Variants in SLC27A2 observed in about 807,000 individuals in gnomAD.
The protein encoded by SLC27A2 is solute carrier family 27 member 2.
Under a neutral mutation model 60.0 loss-of-function variants are expected in SLC27A2, and 54 were observed. The ratio of observed to expected loss-of-function variants is 0.90; its 90% CI spans 0.72 to 1.13. The LOEUF is 1.13. Among genes scored for constraint, SLC27A2 ranks in the 50% most tolerant of loss-of-function variants. The pLI, the probability that SLC27A2 is intolerant of heterozygous loss-of-function variation, is 0.00. For missense variants in SLC27A2, 739 were observed against 777.6 expected (o/e 0.95, Z 0.59); for synonymous variants, 297 against 297.6 (o/e 1.00, Z 0.02).
intron 8 of SLC27A2, among the ~76,000 whole-genome samples, chr15:50,233,045 A>T (rs2045326619): frequency 2.0e-5 from 3 of 152,136 alleles, no homozygotes; most frequent in Non-Finnish European, 2.9e-5. Context: ...TCCTCACAAG[A>T]AGGCAGTGGT....
chr15:50,212,149 A>G (rs1158538581), intron 4 of SLC27A2, among the ~76,000 whole-genome samples: 1 of 151,956 alleles, frequency 6.6e-6, no homozygotes, highest in Non-Finnish European at 1.5e-5. Context: ...TAGAAATGCT[A>G]AATGCTCTGG....
chr15:50,185,928 C>T (rs1172761390), intron 1 of SLC27A2, among the ~76,000 whole-genome samples: 1 of 151,850 alleles, frequency 6.6e-6, no homozygotes, highest in Admixed American at 6.6e-5. Context: ...CACGCCTGGC[C>T]GGAAGCTTAC....
chr15:50,212,930 T>A (rs1196312461), intron 4 of SLC27A2, among the ~76,000 whole-genome samples: 1 of 152,118 alleles, frequency 6.6e-6, no homozygotes, highest in African/African-American at 2.4e-5. Flanking sequence ...ACAAAGAGCA[T>A]GATGAAAGCA....
At chr15:50,201,173 G>C (rs2045060789) in intron 2 of SLC27A2, among the ~76,000 whole-genome samples, 1 of 152,100 alleles carries the variant, frequency 6.6e-6, no homozygotes, top group East Asian at 1.9e-4. Context: ...TTGTAGAGGA[G>C]GGGTCTCACT....
intron 8 of SLC27A2, among the ~76,000 whole-genome samples, chr15:50,230,236 CAAAA>C (rs921052664): frequency 2.1e-5 from 1 of 48,690 alleles, no homozygotes; most frequent in African/African-American, 8.9e-5. Flanking sequence ...TCTGTCTCAC[CAAAA>C]AAAAAAAAAA....
At chr15:50,189,405 G>A (rs1308242903) in intron 1 of SLC27A2, among the ~76,000 whole-genome samples, 1 of 152,244 alleles carries the variant, frequency 6.6e-6, no homozygotes, top group Admixed American at 6.5e-5. Flanking sequence ...GTAGGGTGGT[G>A]GAGGACCCTG....
At chr15:50,182,974 T>A in intron 1 of SLC27A2, 69 bp downstream of exon 1, 5 of 1,484,128 alleles carry the variant, frequency 3.4e-6, no homozygotes, top group African/African-American at 1.4e-5. Flanking sequence ...AGCCACAGCG[T>A]GGCATAAGGG....
intron 2 of SLC27A2, among the ~76,000 whole-genome samples, chr15:50,200,586 C>T (rs569125698): frequency 3.5e-4 from 53 of 152,214 alleles, no homozygotes; most frequent in African/African-American, 1.2e-3. Context: ...AAGGTACCAC[C>T]AAGTATTGAA....
At chr15:50,203,079 C>G (rs1444748909) in intron 3 of SLC27A2, among the ~76,000 whole-genome samples, 5 of 150,942 alleles carry the variant, frequency 3.3e-5, no homozygotes, top group Admixed American at 1.3e-4. Context: ...TCCCAGCTAC[C>G]CAGGAGGCTG....
At chr15:50,232,796 A>C (rs1309242060) in intron 8 of SLC27A2, among the ~76,000 whole-genome samples, 1 of 152,250 alleles carries the variant, frequency 6.6e-6, no homozygotes, top group Non-Finnish European at 1.5e-5. Context: ...TCTCTCCCTC[A>C]GACAAGAAGC....
intron 3 of SLC27A2, 129 bp downstream of exon 3, chr15:50,202,774 CA>C: frequency 1.2e-6 from 1 of 818,984 alleles, no homozygotes; most frequent in Non-Finnish European, 2.0e-6. Context: ...AACAATAAGG[CA>C]ATTTGAATCA....
intron 4 of SLC27A2, among the ~76,000 whole-genome samples, chr15:50,217,855 A>T (rs1484016696): frequency 6.6e-6 from 1 of 152,052 alleles, no homozygotes. Flanking sequence ...GGAGTTCAAG[A>T]CCAGCCTGGC....
intron 4 of SLC27A2, among the ~76,000 whole-genome samples, chr15:50,218,103 T>A (rs2045215443): frequency 6.7e-6 from 1 of 150,332 alleles, no homozygotes; most frequent in African/African-American, 2.4e-5. Flanking sequence ...GAAATGTTTT[T>A]AATGTATCAT....
chr15:50,196,078 ATATATATATATATATATATATAT>A (rs1267676175), intron 1 of SLC27A2, among the ~76,000 whole-genome samples: 245 of 7,798 alleles, frequency 0.031, 50 homozygotes, highest in Admixed American at 0.04. Context: ...AAAAAAAAAA[ATATATATATATATATATATATAT>A]ATATATATAT....
intron 4 of SLC27A2, among the ~76,000 whole-genome samples, chr15:50,205,851 G>C (rs1042385954): frequency 6.6e-6 from 1 of 152,022 alleles, no homozygotes; most frequent in East Asian, 1.9e-4. Flanking sequence ...TTGTCTCCTT[G>C]TTTTCTGTTA....
At chr15:50,207,718 A>C (rs1343894172) in intron 4 of SLC27A2, among the ~76,000 whole-genome samples, 1 of 150,966 alleles carries the variant, frequency 6.6e-6, no homozygotes, top group African/African-American at 2.4e-5. Flanking sequence ...TGAAAGCAGG[A>C]GGCAGATGTT....
intron 4 of SLC27A2, 74 bp downstream of exon 4, chr15:50,205,437 G>T: frequency 6.9e-7 from 1 of 1,454,616 alleles, no homozygotes; most frequent in Non-Finnish European, 9.4e-7. Flanking sequence ...GGTTGTGCTA[G>T]GCTTCAACTG....
chr15:50,187,181 C>T (rs866016013), intron 1 of SLC27A2, among the ~76,000 whole-genome samples: 2 of 152,194 alleles, frequency 1.3e-5, no homozygotes, highest in Non-Finnish European at 2.9e-5. Flanking sequence ...CTGAATCAAG[C>T]AGCAGCACTG....
chr15:50,182,967 CA>C lies in SLC27A2; in HGVS notation c.478+63del, dbSNP rs2044879326. On this transcript the variant is annotated intron_variant, in intron 1 of 9. Coordinates refer to ENST00000267842, the MANE Select transcript of SLC27A2 (RefSeq NM_003645.4). ...CTTCTCGGCGCCTTGACTGACGAGC[CA>C]CAGCGTGGCATAAGGGGTTCGCAGA... The C allele has an allele frequency of 4.0e-6, 6 of 1,508,876 alleles. No homozygotes were observed. In the South Asian group the frequency reaches 7.5e-5, roughly 19 times the overall value. The allele number at this position is 1,508,876 out of a possible 1,614,324, so 93.5% of individuals were successfully genotyped here.
Sources: allele counts gnomAD v4.1 joint callset (sites outside exome capture counted in the v4.1 genomes callset), GRCh38; gene constraint gnomAD v4.1.1; transcripts MANE v1.5; gene names NCBI Gene and HGNC (gene_info 2026-07-23, HGNC 2026-07-21).